Variants in TUBD1 observed in about 807,000 individuals in gnomAD.
TUBD1 encodes tubulin delta chain.
In TUBD1, 38 loss-of-function variants were observed where a neutral mutation model predicts 51.2. That is an observed-to-expected ratio of 0.74 (90% CI 0.57 to 0.97). The LOEUF is 0.97. Among genes scored for constraint, TUBD1 ranks in the 50% least tolerant of loss-of-function variants. The probability of loss-of-function intolerance (pLI) is 0.00; values close to 1 mark genes in which losing one functional copy is unlikely to be tolerated. For synonymous variants in TUBD1, 169 were observed against 178.2 expected (o/e 0.95, Z 0.41); for missense variants, 489 against 538.4 (o/e 0.91, Z 0.91).
intron 8 of TUBD1, among the ~76,000 whole-genome samples, 168 bp from the exon 9 acceptor site, chr17:59,860,592 C>CTT (rs1033648200): frequency 2.1e-5 from 3 of 144,308 alleles, no homozygotes; most frequent in East Asian, 4.0e-4. Context: ...AGTGAACTTT[C>CTT]TTTTTTTTTT....
chr17:59,875,724 C>T (rs987732552), intron 5 of TUBD1, among the ~76,000 whole-genome samples: 19 of 147,668 alleles, frequency 1.3e-4, no homozygotes, highest in South Asian at 8.6e-4. Flanking sequence ...CCAGCCTGGG[C>T]GACAAAGCAA....
Position 59,883,739 on chromosome 17 carries a change from G to A in TUBD1, c.320+2344C>T, listed in dbSNP as rs554840789. Among the ~76,000 whole-genome samples the A allele has an allele frequency of 1.6e-4, 24 of 151,994 alleles. No homozygotes were observed. The South Asian group carries it at 2.9e-3, about 18-fold the overall frequency. On this transcript the variant is annotated intron_variant, in intron 3 of 8. Coordinates refer to ENST00000325752, the MANE Select transcript of TUBD1 (RefSeq NM_016261.4). ...TTTCTTTTTAAAATTTTTTCGTAGCGATAGGGCCTCCCTTTGTTGCCTAGG... is the reference window on the plus strand; with the variant it reads ...TTTCTTTTTAAAATTTTTTCGTAGCAATAGGGCCTCCCTTTGTTGCCTAGG...
Position 59,878,291 on chromosome 17 carries a change from A to C in TUBD1, c.581T>G (p.Leu194Trp), listed in dbSNP as rs753014399. The change falls in exon 5 of 9, where the codon TTG (leucine) becomes TGG (tryptophan). Residue 194 changes from leucine (L) to tryptophan (W), a missense_variant. Transcript: ENST00000325752. ...AAGGAGGGCGTCTGAAGATCGGTAC[A>C]AGTGAGAAAGTGTCAAAATGGAGTT... ...NYNSILTLSH[L>W]YRSSDALLLH... 1 of 1,614,098 alleles carries C rather than the reference A, an allele frequency of 6.2e-7. No individual in the cohort carries two copies. Among genetic ancestry groups the C allele is most frequent in the Non-Finnish European group, 8.5e-7 (1 of 1,180,022 alleles).
intron 2 of TUBD1, among the ~76,000 whole-genome samples, chr17:59,887,216 TA>T (rs1352098986): frequency 6.6e-6 from 1 of 150,422 alleles, no homozygotes; most frequent in Admixed American, 6.6e-5. Flanking sequence ...AAAACAAAAA[TA>T]CAAAATTAGC....
At chr17:59,876,183 C>CTT (rs58236573) in intron 5 of TUBD1, among the ~76,000 whole-genome samples, 27 of 149,322 alleles carry the variant, frequency 1.8e-4, no homozygotes, top group African/African-American at 3.7e-4. Flanking sequence ...GGCATGAATT[C>CTT]TTTTTTTTTT....
chr17:59,889,282 G>C (rs1401046061), intron 2 of TUBD1, among the ~76,000 whole-genome samples: 1 of 151,172 alleles, frequency 6.6e-6, no homozygotes, highest in Non-Finnish European at 1.5e-5. Context: ...CCAAAGTGCT[G>C]GGATTATAGG....
intron 6 of TUBD1, among the ~76,000 whole-genome samples, chr17:59,870,133 T>C (rs990565087): frequency 3.3e-5 from 5 of 151,920 alleles, no homozygotes; most frequent in African/African-American, 1.2e-4. Flanking sequence ...ATTTGAGGCA[T>C]GTGGATCACT....
rs776246231 is a variant in TUBD1 at position 59,880,980 on chromosome 17, C to T, written c.451G>A (p.Gly151Arg). The stretch of plus-strand genomic sequence containing the variant: ...TCTAAATTCTGTGTAACGAAAGCTC[C>T]TAATCCTGATCCTGTGCCCCCAGCC... ...SMAGGTGSGL[G>R]AFVTQNLEDQ... The change falls in exon 4 of 9, where the codon GGA becomes AGA. Residue 151 changes from glycine (G) to arginine (R), a missense_variant. Physicochemically the swap from Gly to Arg is moderately radical, Grantham distance 125. Transcript: ENST00000325752. The T allele has an allele frequency of 4.0e-5, 65 of 1,613,988 alleles. No individual in the cohort carries two copies. Among genetic ancestry groups the T allele is most frequent in the Non-Finnish European group, 5.3e-5 (62 of 1,180,020 alleles).
intron 6 of TUBD1, among the ~76,000 whole-genome samples, chr17:59,871,726 C>T (rs1294697495): frequency 6.6e-6 from 1 of 152,108 alleles, no homozygotes; most frequent in African/African-American, 2.4e-5. Flanking sequence ...AAATGCCTTC[C>T]AGAAGATGTC....
rs560573630 is a variant in TUBD1 at position 59,861,660 on chromosome 17, T to TTTTG, written c.1260-1240_1260-1237dup. Among the ~76,000 whole-genome samples, 203 of 151,772 alleles carry TTTTG rather than the reference T, an allele frequency of 1.3e-3. 3 individuals are homozygous for TTTTG. The highest frequency in any genetic ancestry group is 1.3e-3 in the Non-Finnish European group (86 of 67,872). ...CTTCATGGCCCTGTGGAGTGGGTTT[T>TTTTG]TTTGTTTGTTTGTTTGTTTGTTTTT... On this transcript the variant is annotated intron_variant, in intron 8 of 8. Transcript: ENST00000325752.
At chr17:59,861,795 G>A (rs1405929863) in intron 8 of TUBD1, among the ~76,000 whole-genome samples, 1 of 151,484 alleles carries the variant, frequency 6.6e-6, no homozygotes, top group Non-Finnish European at 1.5e-5. Flanking sequence ...AGCCTCCCAA[G>A]TAGCTGGGAT....
intron 1 of TUBD1, among the ~76,000 whole-genome samples, chr17:59,892,296 C>CT (rs1228524713): frequency 6.6e-6 from 1 of 151,926 alleles, no homozygotes; most frequent in East Asian, 1.9e-4. Flanking sequence ...AATCCCAGTA[C>CT]TTTGGGAGGC....
chr17:59,870,760 A>G (rs2039949127), intron 6 of TUBD1, among the ~76,000 whole-genome samples: 1 of 152,194 alleles, frequency 6.6e-6, no homozygotes, highest in Admixed American at 6.6e-5. Flanking sequence ...GATATTTGGA[A>G]GTCCAGCAAT....
chr17:59,870,861 G>A (rs1006906011), intron 6 of TUBD1, among the ~76,000 whole-genome samples: 2 of 152,210 alleles, frequency 1.3e-5, no homozygotes, highest in East Asian at 1.9e-4. Context: ...AACTAACTCA[G>A]CAAATAATCA....
At chr17:59,891,560 A>G (rs1398332146) in intron 1 of TUBD1, among the ~76,000 whole-genome samples, 2 of 152,232 alleles carry the variant, frequency 1.3e-5, no homozygotes, top group South Asian at 2.1e-4. Context: ...TTTGTGATTT[A>G]CTGTACCTGA....
chr17:59,886,243 A>T lies in TUBD1; in HGVS notation c.173-13T>A. The stretch of plus-strand genomic sequence containing the variant: ...CGGGCAATTGGAACTAGAGGGGGAA[A>T]AAAACCCAAAAACATCGAAAGAAAA... On this transcript the variant is annotated splice_polypyrimidine_tract_variant and intron_variant, in intron 2 of 8. Coordinates refer to ENST00000325752, the MANE Select transcript of TUBD1 (RefSeq NM_016261.4). 6.3e-7 allele frequency: 1 copy of T among 1,598,998 alleles called. No individual in the cohort carries two copies. Among genetic ancestry groups the T allele is most frequent in the Non-Finnish European group, 8.5e-7 (1 of 1,175,180 alleles).
At chr17:59,868,999 A>C (rs1479992403) in intron 6 of TUBD1, among the ~76,000 whole-genome samples, 1 of 152,008 alleles carries the variant, frequency 6.6e-6, no homozygotes, top group South Asian at 2.1e-4. Flanking sequence ...CCTACGTGAC[A>C]GAGTGAAACC....
chr17:59,863,289 T>C (rs2039544016), intron 8 of TUBD1, among the ~76,000 whole-genome samples: 1 of 152,150 alleles, frequency 6.6e-6, no homozygotes, highest in Non-Finnish European at 1.5e-5. Flanking sequence ...TCGGACCTCA[T>C]GCTTTAACGC....
intron 7 of TUBD1, among the ~76,000 whole-genome samples, chr17:59,864,181 T>C (rs2039594379): frequency 6.6e-6 from 1 of 151,958 alleles, no homozygotes. Flanking sequence ...TGAGACAGCC[T>C]GTTGCCCAGG....
Sources: gnomAD v4.1 joint callset for allele counts (sites outside exome capture counted in the v4.1 genomes callset) on GRCh38, gnomAD v4.1.1 for gene constraint, MANE v1.5 for transcripts, NCBI Gene and HGNC (gene_info 2026-07-23, HGNC 2026-07-21) for gene names.